CENPM: variants seen among roughly 807,000 people sequenced by gnomAD.
CENPM encodes the protein centromere protein M.
A neutral mutation model predicts 19.6 loss-of-function variants in CENPM; 14 were observed. That is an observed-to-expected ratio of 0.71 (90% CI 0.47 to 1.11). The LOEUF (loss-of-function observed/expected upper bound fraction) is 1.11, where lower values mean the gene tolerates loss of function less well. Ranked by LOEUF, CENPM falls within the 50% of genes most tolerant of loss-of-function variation. The pLI is 0.00. For synonymous variants in CENPM, 114 were observed against 101.5 expected, an observed-to-expected ratio of 1.12 and a Z score of -0.74; for missense variants, 239 against 228.4, an observed-to-expected ratio of 1.05 and a Z score of -0.30.
downstream of CENPM, among the ~76,000 whole-genome samples, chr22:41,935,397 T>A (rs1308151305): frequency 6.6e-6 from 1 of 151,966 alleles, no homozygotes; most frequent in African/African-American, 2.4e-5. Context: ...ACCCATTCCA[T>A]CAGCCCCGCC....
rs967405668 is a variant in CENPM, at chr22:41,944,461, G to A, written c.311-760C>T. Among the ~76,000 whole-genome samples the A allele has an allele frequency of 6.7e-5, 10 of 149,114 alleles. 1 individual carries two copies. The highest frequency in any genetic ancestry group is 5.9e-4 in the East Asian group (3 of 5,110). On this transcript the variant is annotated intron_variant, in intron 4 of 5. Transcript: ENST00000215980. The stretch of plus-strand genomic sequence containing the variant: ...AAAAAAAAAAAAAAAAAAAAGGGAC[G>A]GGCCCTGTAACAGGACTTACCTAGG...
At chr22:41,927,741 C>A in the CENPM span, among the ~76,000 whole-genome samples, 1 of 152,066 alleles carries the variant, frequency 6.6e-6, no homozygotes, top group Non-Finnish European at 1.5e-5. Context: ...TCAGGTGATC[C>A]GCCCTCCTCG....
intron 5 of CENPM, among the ~76,000 whole-genome samples, chr22:41,940,778 T>C (rs935335269): frequency 7.9e-5 from 12 of 152,068 alleles, no homozygotes. Flanking sequence ...TTTTAATAAG[T>C]CCTCTAAGTT....
At chr22:41,937,679 A>G (rs1415971615), downstream of CENPM, among the ~76,000 whole-genome samples, 1 of 152,182 alleles carries the variant, frequency 6.6e-6, no homozygotes, top group Admixed American at 6.5e-5. Context: ...AGGCATGTCC[A>G]TCGTCTCATT....
At chr22:41,943,799 C>G in intron 4 of CENPM, 98 bp from the exon 5 acceptor site, 3 of 1,065,146 alleles carry the variant, frequency 2.8e-6, no homozygotes, top group South Asian at 1.6e-5. Flanking sequence ...CACTCTGGGG[C>G]TCAGTTTCTT....
rs1013391749 is a variant in CENPM, at chr22:41,938,948, G to A, written c.*108C>T. 9 of 1,429,014 alleles carry A rather than the reference G, an allele frequency of 6.3e-6. No individual in the cohort carries two copies. Among genetic ancestry groups the A allele is most frequent in the Non-Finnish European group, 8.6e-6 (9 of 1,051,566 alleles). The allele number at this position is 1,429,014 out of a possible 1,614,324, so 88.5% of individuals were successfully genotyped here. The stretch of plus-strand genomic sequence containing the variant: ...ACTGCAGGGAACCTTCCCAGCCACG[G>A]CGGGCTGAGCCTGGGCCTGTCAAGC... On this transcript the variant is annotated 3_prime_UTR_variant, in exon 6 of 6. Coordinates refer to ENST00000215980, the MANE Select transcript of CENPM (RefSeq NM_024053.5).
At chr22:41,943,749 C>T (rs374568803) in intron 4 of CENPM, 48 bp from the exon 5 acceptor site, 74 of 1,548,794 alleles carry the variant, frequency 4.8e-5, no homozygotes, top group Non-Finnish European at 6.5e-5. Context: ...ACCTTCCTGG[C>T]TGGAATTCAG....
chr22:41,939,615 G>A (rs1284939840), intron 5 of CENPM, among the ~76,000 whole-genome samples: 1 of 151,580 alleles, frequency 6.6e-6, no homozygotes, highest in Non-Finnish European at 1.5e-5. Flanking sequence ...AAGGAGGGAG[G>A]GGCAGCGGGT....
chr22:41,946,618 T>G, intron 1 of CENPM, 122 bp from the exon 2 acceptor site: 1 of 804,474 alleles, frequency 1.2e-6, no homozygotes, highest in Non-Finnish European at 2.0e-6. Context: ...CGGAGGACAT[T>G]TCCCGAGAAG....
the CENPM span, among the ~76,000 whole-genome samples, chr22:41,931,086 T>C: frequency 6.6e-6 from 1 of 150,990 alleles, no homozygotes; most frequent in African/African-American, 2.4e-5. Flanking sequence ...CCTGCGCGCC[T>C]CGGCCTCCCA....
At position 41,943,019 on chromosome 22, in the gene CENPM, A is replaced by G. The variant is rs182682313; in HGVS notation, c.402+591T>C. Among the ~76,000 whole-genome samples, 12 of 152,300 alleles carry G rather than the reference A, an allele frequency of 7.9e-5. No individual in the cohort carries two copies. The East Asian group carries it at 2.3e-3, about 29-fold the overall frequency. Reference sequence around the variant, plus strand: ...GTTTCACCTTGTGAGAAACACCAACAGGATCCAGTTGGGGCAGAATTCCCT... The same window carrying G: ...GTTTCACCTTGTGAGAAACACCAACGGGATCCAGTTGGGGCAGAATTCCCT... On this transcript the variant is annotated intron_variant, in intron 5 of 5. Transcript: ENST00000215980.
At chr22:41,934,262 C>T (rs368284152), downstream of CENPM, among the ~76,000 whole-genome samples, 22 of 152,302 alleles carry the variant, frequency 1.4e-4, no homozygotes, top group African/African-American at 5.1e-4. Flanking sequence ...GGCCAGGACA[C>T]TCGGGCCTGG....
At chr22:41,929,226 C>G in the CENPM span, among the ~76,000 whole-genome samples, 1 of 152,022 alleles carries the variant, frequency 6.6e-6, no homozygotes, top group Non-Finnish European at 1.5e-5. Flanking sequence ...GAGGTGGGGA[C>G]AAAGCCAGAA....
Position 41,946,446 on chromosome 22 carries a change from G to T in CENPM, c.108C>A (p.Leu36=). The change falls in exon 2 of 6, where the codon CTC becomes CTA. Residue 36 remains leucine (L), a synonymous_variant. Coordinates refer to ENST00000215980, the MANE Select transcript of CENPM (RefSeq NM_024053.5). ...TCAGCTCGGAGGCGCAGTCCTCTTT[G>T]AGCATCGAGTCCGCCAGCTGCTGCA... ...ALLQQLADSM[L]KEDCASELKV... is the part of the protein sequence containing the mutation. 1 of 1,613,048 alleles carries T rather than the reference G, an allele frequency of 6.2e-7. No homozygotes were observed. Among genetic ancestry groups the T allele is most frequent in the South Asian group, 1.1e-5 (1 of 91,042 alleles).
chr22:41,939,462 C>T (rs562123464), intron 5 of CENPM, among the ~76,000 whole-genome samples: 13 of 152,300 alleles, frequency 8.5e-5, no homozygotes, highest in South Asian at 4.1e-4. Context: ...CTTAACAAGG[C>T]TGGCTAGGTC....
chr22:41,943,309 CAGCAAA>C (rs1387745794), intron 5 of CENPM, among the ~76,000 whole-genome samples: 4 of 152,166 alleles, frequency 2.6e-5, no homozygotes, highest in Admixed American at 6.5e-5. Flanking sequence ...TGCAGAAACT[CAGCAAA>C]AGCAAAAGCA....
intron 2 of CENPM, 149 bp from the exon 3 acceptor site, chr22:41,946,154 C>T (rs377659331): frequency 4.2e-5 from 31 of 733,986 alleles, no homozygotes; most frequent in East Asian, 1.1e-4. Context: ...ACTCCTTGGG[C>T]CAGCACAGAG....
intron 5 of CENPM, among the ~76,000 whole-genome samples, chr22:41,939,844 G>GAAAGAA: frequency 1.5e-5 from 1 of 65,740 alleles, no homozygotes. Context: ...GAAAGAAAAA[G>GAAAGAA]AAAGAAAGAA....
In CENPM at chr22:41,947,024, ATGG is replaced by A; in HGVS notation, c.50_52del (p.Thr17del). 6.2e-7 allele frequency: 1 copy of A among 1,612,854 alleles called. No homozygotes were observed. Among genetic ancestry groups the A allele is most frequent in the East Asian group, 2.2e-5 (1 of 44,866 alleles). ...AGCAGGGCCGCCTGCACCTACCAAG[ATGG>A]TGGCCGTGTTCAGGCCGGGCAGCTT... On this transcript the variant is annotated inframe_deletion, in exon 1 of 6. Transcript: ENST00000215980.
Sources: gnomAD v4.1 joint callset for allele counts (sites outside exome capture counted in the v4.1 genomes callset) on GRCh38, gnomAD v4.1.1 for gene constraint, MANE v1.5 for transcripts, NCBI Gene and HGNC (gene_info 2026-07-23, HGNC 2026-07-21) for gene names.